The following PCDH7 variants were observed in gnomAD, a reference collection of about 807,000 sequenced individuals.
The protein encoded by PCDH7 is protocadherin-7.
PCDH7 carries 17 observed loss-of-function variants against 58.9 expected under a neutral mutation model. The observed-to-expected ratio is 0.29, with a 90% confidence interval of 0.20 to 0.43. The LOEUF is 0.43. Ranked by LOEUF, PCDH7 falls within the 20% of genes least tolerant of loss-of-function variation. The pLI is 1.00. For missense variants in PCDH7, 1,274 were observed against 1,441.0 expected, an observed-to-expected ratio of 0.88 and a Z score of 1.88; for synonymous variants, 664 against 616.4, an observed-to-expected ratio of 1.08 and a Z score of -1.14.
At chr4:30,773,458 T>C (rs1721675772) in intron 1 of PCDH7, among the ~76,000 whole-genome samples, 1 of 152,194 alleles carries the variant, frequency 6.6e-6, no homozygotes, top group Non-Finnish European at 1.5e-5. Context: ...CATTGTGTTT[T>C]TCTTCTCTTT....
chr4:30,936,629 G>A (rs912334342), intron 2 of PCDH7, among the ~76,000 whole-genome samples: 1 of 140,422 alleles, frequency 7.1e-6, no homozygotes, highest in African/African-American at 2.7e-5. Flanking sequence ...AAACCACAAT[G>A]CATTTTTTTT....
chr4:31,012,918 G>A (rs890310827), intron 3 of PCDH7, among the ~76,000 whole-genome samples: 1 of 150,518 alleles, frequency 6.6e-6, no homozygotes, highest in African/African-American at 2.4e-5. Context: ...ACTGAGGCAG[G>A]AGAATCCTTT....
chr4:30,951,157 A>G (rs960179979), intron 3 of PCDH7, among the ~76,000 whole-genome samples: 29 of 152,192 alleles, frequency 1.9e-4, no homozygotes, highest in Non-Finnish European at 5.9e-5. Context: ...ATGGGTGTGT[A>G]TGTGTATAGC....
chr4:31,117,636 A>C (rs940536297), intron 3 of PCDH7, among the ~76,000 whole-genome samples: 45 of 152,252 alleles, frequency 3.0e-4, no homozygotes, highest in African/African-American at 1.0e-3. Context: ...AAAACCATGA[A>C]TTTTCCAGTT....
chr4:30,760,521 A>G (rs1719885804), intron 1 of PCDH7, among the ~76,000 whole-genome samples: 1 of 152,178 alleles, frequency 6.6e-6, no homozygotes, highest in Admixed American at 6.5e-5. Flanking sequence ...ATCAATGTGC[A>G]GAAATCACAT....
intron 1 of PCDH7, among the ~76,000 whole-genome samples, chr4:30,765,124 G>GGTTTTTTTTTTT (rs1242502475): frequency 2.8e-5 from 1 of 36,026 alleles, no homozygotes; most frequent in Non-Finnish European, 6.6e-5. Context: ...GACTTCAGAT[G>GGTTTTTTTTTTT]CTTTTTTTTT....
chr4:30,836,722 G>GA (rs375768893), intron 1 of PCDH7, among the ~76,000 whole-genome samples: 119 of 149,276 alleles, frequency 8.0e-4, no homozygotes, highest in African/African-American at 2.5e-3. Flanking sequence ...TTATCATAAT[G>GA]AAAAAAAAAA....
intron 3 of PCDH7, among the ~76,000 whole-genome samples, chr4:31,127,777 T>C (rs1718475489): frequency 6.6e-6 from 1 of 152,044 alleles, no homozygotes; most frequent in Non-Finnish European, 1.5e-5. Context: ...AAATGACAGC[T>C]AAAAGTAAAA....
At chr4:30,850,876 G>A (rs1578042736) in intron 1 of PCDH7, among the ~76,000 whole-genome samples, 1 of 152,026 alleles carries the variant, frequency 6.6e-6, no homozygotes, top group Non-Finnish European at 1.5e-5. Context: ...ACTGTTCTTC[G>A]GATACCAGGC....
intron 1 of PCDH7, among the ~76,000 whole-genome samples, chr4:30,862,247 A>G (rs1734300793): frequency 6.6e-6 from 1 of 152,168 alleles, no homozygotes. Flanking sequence ...GGTGATGAAA[A>G]CCAAAAATTG....
At chr4:30,748,834 T>C (rs2109255897) in intron 1 of PCDH7, among the ~76,000 whole-genome samples, 1 of 152,240 alleles carries the variant, frequency 6.6e-6, no homozygotes, top group Middle Eastern at 3.4e-3. Flanking sequence ...GAAGATAATG[T>C]CTTTACTCTC....
At chr4:31,056,349 C>CAG (rs1364565094) in intron 3 of PCDH7, among the ~76,000 whole-genome samples, 1 of 142,436 alleles carries the variant, frequency 7.0e-6, no homozygotes, top group Non-Finnish European at 1.5e-5. Flanking sequence ...GCATACGTGA[C>CAG]AGAGAGAGAC....
Position 30,919,042 on chromosome 4 carries a change from T to C in PCDH7, c.71-1111T>C, listed in dbSNP as rs566423270. Among the ~76,000 whole-genome samples the C allele has an allele frequency of 1.8e-4, 28 of 152,258 alleles. No homozygotes were observed. The East Asian group carries it at 4.1e-3, about 22-fold the overall frequency. On this transcript the variant is annotated intron_variant, in intron 1 of 3. Transcript: ENST00000509759. ...AGTTATAAAGGTGCAAAAAAGATTT[T>C]GTAAACTTTCATTATTTTCTAGCAA...
At chr4:31,078,444 G>A (rs28696010) in intron 3 of PCDH7, among the ~76,000 whole-genome samples, 4,707 of 151,404 alleles carry the variant, frequency 0.031, 223 homozygotes, top group African/African-American at 0.11. Context: ...CAATATGCTT[G>A]GCTAACTTTT....
At chr4:30,903,081 A>G (rs1169695449) in intron 1 of PCDH7, among the ~76,000 whole-genome samples, 1 of 152,170 alleles carries the variant, frequency 6.6e-6, no homozygotes, top group Non-Finnish European at 1.5e-5. Context: ...CTGAATAAGA[A>G]TGACTTCTGT....
chr4:30,824,927 G>A (rs1197182239), intron 1 of PCDH7, among the ~76,000 whole-genome samples: 1 of 152,092 alleles, frequency 6.6e-6, no homozygotes, highest in East Asian at 1.9e-4. Flanking sequence ...GCTGGAGTGG[G>A]GCTTAGGAGA....
chr4:30,902,607 T>G (rs1404066313), intron 1 of PCDH7, among the ~76,000 whole-genome samples: 1 of 152,144 alleles, frequency 6.6e-6, no homozygotes, highest in Non-Finnish European at 1.5e-5. Flanking sequence ...GTTATCATTT[T>G]AGTGCTTCTG....
intron 1 of PCDH7, among the ~76,000 whole-genome samples, chr4:30,831,615 A>G (rs1036298309): frequency 1.3e-5 from 2 of 152,142 alleles, no homozygotes; most frequent in African/African-American, 4.8e-5. Context: ...CAAAAAGGAA[A>G]GAAGGACCTC....
chr4:31,098,241 T>C (rs1297286887), intron 3 of PCDH7, among the ~76,000 whole-genome samples: 1 of 152,188 alleles, frequency 6.6e-6, no homozygotes, highest in Non-Finnish European at 1.5e-5. Flanking sequence ...TCTTCGGGGG[T>C]ATTTTTGCTT....
Sources: gnomAD v4.1 joint callset for allele counts (sites outside exome capture counted in the v4.1 genomes callset) on GRCh38, gnomAD v4.1.1 for gene constraint, MANE v1.5 for transcripts, NCBI Gene and HGNC (gene_info 2026-07-23, HGNC 2026-07-21) for gene names.